Variants in ANO9 observed in about 807,000 individuals in gnomAD.
ANO9 encodes the protein anoctamin 9.
In ANO9, 80 loss-of-function variants were observed where a neutral mutation model predicts 100.5. The observed-to-expected ratio is 0.80, with a 90% CI of 0.66 to 0.96. The LOEUF (loss-of-function observed/expected upper bound fraction) is 0.96, where lower values mean the gene tolerates loss of function less well. ANO9 is among the 40% of genes least tolerant of loss of function. ANO9 has a pLI of 0.00. For missense variants in ANO9, 1,064 were observed against 1,072.7 expected, an observed-to-expected ratio of 0.99 and a Z score of 0.11; for synonymous variants, 473 against 435.6, an observed-to-expected ratio of 1.09 and a Z score of -1.07.
chr11:423,183 A>C (rs1035052784), intron 15 of ANO9, among the ~76,000 whole-genome samples: 20 of 152,352 alleles, frequency 1.3e-4, no homozygotes, highest in African/African-American at 4.8e-4. Flanking sequence ...CATCTGAAAG[A>C]ATAAACATAT....
At chr11:419,756 C>T in intron 19 of ANO9, 27 bp from the exon 20 acceptor site, 1 of 1,582,040 alleles carries the variant, frequency 6.3e-7, no homozygotes, top group East Asian at 2.2e-5. Flanking sequence ...GGCAAGCGGT[C>T]TGACTCAGCG....
chr11:429,961 G>A (rs1249549676), intron 9 of ANO9, 122 bp downstream of exon 9: 64 of 1,342,198 alleles, frequency 4.8e-5, no homozygotes, highest in Non-Finnish European at 6.1e-5. Flanking sequence ...GGGCCTCCCC[G>A]TCAGCCCTGT....
At chr11:429,408 C>A in intron 11 of ANO9, 162 bp downstream of exon 11, 1 of 1,450,162 alleles carries the variant, frequency 6.9e-7, no homozygotes, top group South Asian at 1.4e-5. Flanking sequence ...CACAGGGACA[C>A]GCCTCACAGG....
At position 423,031 on chromosome 11, in the gene ANO9, T is replaced by C. The variant is rs373374258; in HGVS notation, c.1335-1833A>G. On this transcript the variant is annotated intron_variant, in intron 15 of 22. Coordinates refer to ENST00000332826, the MANE Select transcript of ANO9 (RefSeq NM_001012302.3). ...ATTTAGTAAAGACGGGGTTTCACCA[T>C]GCTGGCCAGGCTGGTCTCGAACTCC... Among the ~76,000 whole-genome samples, 141 of 152,270 alleles carry C rather than the reference T, an allele frequency of 9.3e-4. 1 individual carries two copies. Among genetic ancestry groups the C allele is most frequent in the Middle Eastern group, 6.8e-3 (2 of 294 alleles).
At chr11:439,492 G>A (rs1564940593) in intron 1 of ANO9, among the ~76,000 whole-genome samples, 1 of 151,794 alleles carries the variant, frequency 6.6e-6, no homozygotes, top group Non-Finnish European at 1.5e-5. Context: ...GTCCCATGAC[G>A]CACATCCCCC....
Position 418,978 on chromosome 11 carries a change from C to A in ANO9, c.1946G>T (p.Gly649Val), listed in dbSNP as rs1315110372. Residue 649 changes from glycine (G) to valine (V), a missense_variant, in exon 21 of 23, where the codon GGC (glycine) becomes GTC (valine). Coordinates refer to ENST00000332826, the MANE Select transcript of ANO9 (RefSeq NM_001012302.3). ...EGNSTVDCLK[G>V]YVNHSLSVFH... Reference sequence around the variant, plus strand: ...GACGGACAGGCTGTGGTTGACGTAGCCCTTGAGGCAGCTGGGGAGAGGGGA... The same window carrying A: ...GACGGACAGGCTGTGGTTGACGTAGACCTTGAGGCAGCTGGGGAGAGGGGA... The A allele has an allele frequency of 3.1e-6, 5 of 1,613,174 alleles. No individual in the cohort carries two copies. Among genetic ancestry groups the A allele is most frequent in the Non-Finnish European group, 4.2e-6 (5 of 1,179,922 alleles).
At chr11:438,915 G>A (rs1209382220) in intron 1 of ANO9, among the ~76,000 whole-genome samples, 1 of 152,090 alleles carries the variant, frequency 6.6e-6, no homozygotes, top group Non-Finnish European at 1.5e-5. Context: ...GTAGGGACAG[G>A]GGCTGTCCCT....
intron 19 of ANO9, 56 bp from the exon 20 acceptor site, chr11:419,785 C>T (rs1231156067): frequency 6.3e-7 from 1 of 1,590,616 alleles, no homozygotes; most frequent in Non-Finnish European, 8.6e-7. Context: ...CTGGTTCTGC[C>T]CTCACCCCCA....
intron 1 of ANO9, among the ~76,000 whole-genome samples, chr11:434,528 G>A (rs962232130): frequency 1.3e-5 from 2 of 152,224 alleles, no homozygotes; most frequent in Middle Eastern, 3.2e-3. Context: ...GCACGGGTTT[G>A]GAAACCTGTT....
Position 421,347 on chromosome 11 carries a change from G to C in ANO9, c.1335-149C>G, listed in dbSNP as rs1323067830. ...GGGGCACAGGTGCTCACACCCAGATGAACCGCACCCGCACGTGGGCACGCA... is the reference window on the plus strand; with the variant it reads ...GGGGCACAGGTGCTCACACCCAGATCAACCGCACCCGCACGTGGGCACGCA... On this transcript the variant is annotated intron_variant, in intron 15 of 22. Coordinates refer to ENST00000332826, the MANE Select transcript of ANO9 (RefSeq NM_001012302.3). The surrounding 1 kb of genome is among the most constrained non-coding windows in gnomAD (Gnocchi z 6.8). 1 of 739,040 alleles carries C rather than the reference G, an allele frequency of 1.4e-6. No homozygotes were observed. The highest frequency in any genetic ancestry group is 3.4e-5 in the Admixed American group (1 of 29,782). The allele number at this position is 739,040 out of a possible 1,614,324, so 45.8% of individuals were successfully genotyped here. A position where few individuals can be genotyped will look rare whatever the true frequency, so the allele number is the denominator to read the frequency against.
chr11:421,507 GGC>G lies in ANO9; in HGVS notation c.1335-311_1335-310del, dbSNP rs1848192152. 2.3e-4 allele frequency among the ~76,000 whole-genome samples: 1 copy of G among 4,426 alleles called. No homozygotes were observed. The highest frequency in any genetic ancestry group is 2.9e-3 in the African/African-American group (1 of 350). 2.9% of individuals were successfully genotyped at this position (4,426 alleles called of 152,430 possible). On this transcript the variant is annotated intron_variant, in intron 15 of 22. Transcript: ENST00000332826. This position sits in a 1 kb window ranked among gnomAD's most constrained non-coding sequence, Gnocchi z 6.8. ...CCCAGACGAACCGCACCTGCACGTG[GGC>G]GCACACACACCCACACACACACAGG...
In ANO9 at chr11:419,591, G is replaced by A; in HGVS notation, c.1925C>T (p.Ser642Phe). 1 of 1,613,406 alleles carries A rather than the reference G, an allele frequency of 6.2e-7. No individual in the cohort carries two copies. Among genetic ancestry groups the A allele is most frequent in the Non-Finnish European group, 8.5e-7 (1 of 1,179,834 alleles). The part of the protein sequence containing the change: ...RYSPCLKEGN[S>F]TVDCLKGYVN... ...CACCCTGAGGCCTTACTCGACAGTAGAGTTGCCTTCTTTCAGGCATGGGCT... is the reference window on the plus strand; with the variant it reads ...CACCCTGAGGCCTTACTCGACAGTAAAGTTGCCTTCTTTCAGGCATGGGCT... The change falls in exon 20 of 23, where the codon TCT (serine) becomes TTT (phenylalanine). Residue 642 changes from serine to phenylalanine, a missense_variant. By Grantham distance (155) the Ser-to-Phe change is radical. Coordinates refer to ENST00000332826, the MANE Select transcript of ANO9 (RefSeq NM_001012302.3).
intron 19 of ANO9, chr11:420,258 C>G: frequency 7.0e-7 from 1 of 1,427,244 alleles, no homozygotes; most frequent in Non-Finnish European, 9.1e-7. Context: ...TGGGAGGAGC[C>G]TACAAAGCGC....
At chr11:437,329 C>T (rs1046209445) in intron 1 of ANO9, among the ~76,000 whole-genome samples, 83 of 152,130 alleles carry the variant, frequency 5.5e-4, no homozygotes, top group Non-Finnish European at 3.8e-4. Flanking sequence ...AGGCATCCGA[C>T]GCCCCGGTCA....
At chr11:435,426 GTAGTC>G (rs1409478191) in intron 1 of ANO9, among the ~76,000 whole-genome samples, 15 of 110,744 alleles carry the variant, frequency 1.4e-4, no homozygotes, top group Admixed American at 6.2e-4. Context: ...CTAGTATGGT[GTAGTC>G]TAGTCTAGTC....
intron 19 of ANO9, 116 bp downstream of exon 19, chr11:420,347 T>C: frequency 6.7e-7 from 1 of 1,496,908 alleles, no homozygotes; most frequent in Non-Finnish European, 8.9e-7. Flanking sequence ...CTGGGGGCTG[T>C]CTGCGGCCTG....
chr11:428,495 T>C lies in ANO9; in HGVS notation c.1165A>G (p.Thr389Ala). Residue 389 changes from threonine (T) to alanine (A), a missense_variant, in exon 13 of 23, where the codon ACC becomes GCC. Thr to Ala is a moderately conservative substitution (Grantham distance 58, BLOSUM62 0). Coordinates refer to ENST00000332826, the MANE Select transcript of ANO9 (RefSeq NM_001012302.3). ...CCCACCTTGGTCATGATGATGATGG[T>C]CACATAGTGCACCAGAGCCCCGGTC... ...VVTGALVHYV[T>A]IIIMTKINRC... The C allele has an allele frequency of 1.9e-6, 3 of 1,612,530 alleles. No homozygotes were observed. The highest frequency in any genetic ancestry group is 2.5e-6 in the Non-Finnish European group (3 of 1,179,844).
chr11:433,955 G>A lies in ANO9; in HGVS notation c.82-18C>T. 6.4e-7 allele frequency: 1 copy of A among 1,556,120 alleles called. No individual in the cohort carries two copies. Among genetic ancestry groups the A allele is most frequent in the East Asian group, 2.4e-5 (1 of 42,286 alleles). On this transcript the variant is annotated intron_variant, in intron 2 of 22. Coordinates refer to ENST00000332826, the MANE Select transcript of ANO9 (RefSeq NM_001012302.3). ...GCCTCGGTCTGCAGGGAGGAGGCAT[G>A]GGGCCAGGCGCAGGTGAAGGGGCAG... is the stretch of plus-strand genomic sequence containing the variant.
chr11:418,158 G>A lies in ANO9; in HGVS notation c.*213C>T. 1 of 579,914 alleles carries A rather than the reference G, an allele frequency of 1.7e-6. No individual in the cohort carries two copies. The highest frequency in any genetic ancestry group is 3.0e-6 in the Non-Finnish European group (1 of 332,328). The allele number at this position is 579,914 out of a possible 1,614,324, so 35.9% of individuals were successfully genotyped here. A position where few individuals can be genotyped will look rare whatever the true frequency, so the allele number is the denominator to read the frequency against. ...GTGCCCAGGGTCACCCAGAGTTCAA[G>A]TCAGGGCTGTGCCAAGCCTGAGAGC... On this transcript the variant is annotated 3_prime_UTR_variant, in exon 23 of 23. Transcript: ENST00000332826.
Sources: gnomAD v4.1 joint callset for allele counts (sites outside exome capture counted in the v4.1 genomes callset) on GRCh38, gnomAD v4.1.1 for gene constraint, Gnocchi (gnomAD v3.1) non-coding constraint, MANE v1.5 for transcripts, NCBI Gene and HGNC (gene_info 2026-07-23, HGNC 2026-07-21) for gene names.